The following BRAF variants were observed in gnomAD, a reference collection of about 807,000 sequenced individuals.
BRAF encodes the protein serine/threonine-protein kinase B-raf.
BRAF carries 16 observed loss-of-function variants against 104.6 expected under a neutral mutation model. The ratio of observed to expected loss-of-function variants is 0.15; its 90% CI spans 0.10 to 0.23. The LOEUF is 0.23. Among genes scored for constraint, BRAF ranks in the 10% least tolerant of loss-of-function variants. The pLI is 1.00. For missense variants in BRAF, 541 were observed against 937.3 expected (o/e 0.58, Z 5.52); for synonymous variants, 310 against 341.6 (o/e 0.91, Z 1.02).
intron 16 of BRAF, 149 bp downstream of exon 15, chr7:140,753,126 C>A: frequency 3.1e-6 from 2 of 640,268 alleles, no homozygotes; most frequent in East Asian, 2.9e-5. Flanking sequence ...GTTAAAAAAT[C>A]TATTTACATA....
chr7:140,906,836 T>G (rs1019776005), intron 1 of BRAF, among the ~76,000 whole-genome samples: 4 of 152,238 alleles, frequency 2.6e-5, no homozygotes, highest in Non-Finnish European at 5.9e-5. Flanking sequence ...TCTGGCTACT[T>G]TCAAGACTTT....
At chr7:140,834,894 T>A in intron 2 of BRAF, 22 bp from the exon 3 acceptor site, 3 of 1,613,744 alleles carry the variant, frequency 1.9e-6, no homozygotes, top group Non-Finnish European at 2.5e-6. Context: ...AGCAGACTTA[T>A]ATTCAATCCG....
intron 14 of BRAF, among the ~76,000 whole-genome samples, chr7:140,759,176 A>G (rs1798456343): frequency 6.6e-6 from 1 of 152,248 alleles, no homozygotes; most frequent in South Asian, 2.1e-4. Context: ...TGCTGTATTC[A>G]TATACAAGTC....
rs76253078 is a variant in BRAF at position 140,860,506 on chromosome 7, G to A, written c.139-10294C>T. Among the ~76,000 whole-genome samples, 123 of 150,846 alleles carry A rather than the reference G, an allele frequency of 8.2e-4. No homozygotes were observed. The East Asian group carries it at 0.018, about 22-fold the overall frequency. On this transcript the variant is annotated intron_variant, in intron 1 of 19. Coordinates refer to ENST00000644969, the MANE Select transcript of BRAF (RefSeq NM_001374258.1). ...AGAAAAAAAAGAAAATTAGTTGGAT[G>A]CGGTACCACATACTTGTACTCCCAG...
intron 1 of BRAF, among the ~76,000 whole-genome samples, chr7:140,918,190 G>A (rs966060737): frequency 5.3e-5 from 8 of 152,136 alleles, no homozygotes; most frequent in Admixed American, 2.0e-4. Context: ...GATAAATGAA[G>A]AACTTCAATA....
At chr7:140,718,332 C>T (rs541284726), downstream of BRAF, among the ~76,000 whole-genome samples, 523 of 152,168 alleles carry the variant, frequency 3.4e-3, 3 homozygotes, top group African/African-American at 0.012. Flanking sequence ...CAATCTCGGT[C>T]GGCTCACTCC....
intron 2 of BRAF, among the ~76,000 whole-genome samples, chr7:140,844,728 T>C (rs1234168732): frequency 1.3e-5 from 2 of 152,010 alleles, no homozygotes; most frequent in African/African-American, 2.4e-5. Flanking sequence ...GAGTTCGAGA[T>C]TGGCCTGGTC....
At chr7:140,741,188 T>C (rs985178978) in intron 17 of BRAF, 6 of 152,118 alleles carry the variant, frequency 3.9e-5, no homozygotes, top group African/African-American at 1.4e-4. Flanking sequence ...CCAAAAAACG[T>C]TGGGACACTT....
intron 10 of BRAF, among the ~76,000 whole-genome samples, chr7:140,784,130 G>A (rs1259368862): frequency 6.6e-6 from 1 of 151,864 alleles, no homozygotes; most frequent in Admixed American, 6.6e-5. Flanking sequence ...ATGACCTCAA[G>A]AAAATAGATT....
chr7:140,920,055 G>C (rs1300503466), intron 1 of BRAF, among the ~76,000 whole-genome samples: 3 of 152,106 alleles, frequency 2.0e-5, no homozygotes, highest in Non-Finnish European at 4.4e-5. Flanking sequence ...AGTTAAAATA[G>C]AGAAACAGAA....
chr7:140,733,512 A>G (rs1326352298), intron 19 of BRAF: 2 of 152,246 alleles, frequency 1.3e-5, no homozygotes, highest in Admixed American at 1.3e-4. Context: ...GTCATTTTCT[A>G]CACAACAAAG....
chr7:140,837,494 T>A (rs541759818), intron 2 of BRAF, among the ~76,000 whole-genome samples: 39 of 152,356 alleles, frequency 2.6e-4, no homozygotes, highest in African/African-American at 9.4e-4. Flanking sequence ...GGTGATATCT[T>A]AAGATTTTCA....
chr7:140,791,214 A>G (rs1254224027), intron 8 of BRAF, among the ~76,000 whole-genome samples: 1 of 152,194 alleles, frequency 6.6e-6, no homozygotes, highest in Admixed American at 6.5e-5. Flanking sequence ...TCTCAAAATT[A>G]ACACTTAATC....
At position 140,791,464 on chromosome 7, in the gene BRAF, G is replaced by A. The variant is rs527520646; in HGVS notation, c.1140+2844C>T. ...GACTTAGGAAGAGCCAGCCCATAAA[G>A]GAGACAGAGAGTCTCTGCCTGCACC... On this transcript the variant is annotated intron_variant, in intron 8 of 19. Transcript: ENST00000644969. Among the ~76,000 whole-genome samples, 12 of 152,010 alleles carry A rather than the reference G, an allele frequency of 7.9e-5. No individual in the cohort carries two copies. In the East Asian group the frequency reaches 2.3e-3, roughly 29 times the overall value.
At chr7:140,835,371 T>C (rs1248774347) in intron 2 of BRAF, 6 of 166,046 alleles carry the variant, frequency 3.6e-5, no homozygotes, top group African/African-American at 1.4e-4. Flanking sequence ...CCCCAAAATT[T>C]AGGACACAGT....
At chr7:140,889,987 A>G (rs1015158551) in intron 1 of BRAF, among the ~76,000 whole-genome samples, 2 of 152,206 alleles carry the variant, frequency 1.3e-5, no homozygotes, top group Admixed American at 6.5e-5. Context: ...TTTCTAAACC[A>G]TATCTAACTC....
chr7:140,908,458 G>C (rs1411505488), intron 1 of BRAF, among the ~76,000 whole-genome samples: 2 of 151,862 alleles, frequency 1.3e-5, no homozygotes, highest in South Asian at 4.2e-4. Context: ...CACGTGATTT[G>C]CCTTTCCATC....
chr7:140,719,804 C>T lies in BRAF; in HGVS notation c.*6690G>A. On this transcript the variant is annotated 3_prime_UTR_variant, in exon 20 of 20. Transcript: ENST00000644969. ...CTGTGGACAATTAAAAAGTCCCCAT[C>T]TTTTCACTGGGCACGCCCCAGACTC... 7 of 1,062,996 alleles carry T rather than the reference C, an allele frequency of 6.6e-6. No homozygotes were observed. The highest frequency in any genetic ancestry group is 8.0e-6 in the Non-Finnish European group (7 of 877,852). 65.8% of individuals were successfully genotyped at this position (1,062,996 alleles called of 1,614,324 possible).
chr7:140,878,867 T>A (rs1812554170), intron 1 of BRAF, among the ~76,000 whole-genome samples: 1 of 152,128 alleles, frequency 6.6e-6, no homozygotes, highest in South Asian at 2.1e-4. Flanking sequence ...TATATAATCA[T>A]TATGTATCCA....
Sources: allele counts gnomAD v4.1 joint callset (sites outside exome capture counted in the v4.1 genomes callset), GRCh38; gene constraint gnomAD v4.1.1; transcripts MANE v1.5; gene names NCBI Gene and HGNC (gene_info 2026-07-23, HGNC 2026-07-21).